ZNF804B: variants seen among roughly 807,000 people sequenced by gnomAD.
ZNF804B encodes the protein zinc finger protein 804B, also known as zinc finger 804B.
ZNF804B carries 80 observed loss-of-function variants against 101.4 expected under a neutral mutation model. That is an observed-to-expected ratio of 0.79 (90% CI 0.66 to 0.95). ZNF804B has a LOEUF of 0.95. Among genes scored for constraint, ZNF804B ranks in the 40% least tolerant of loss-of-function variants. The pLI is 0.00. For synonymous variants in ZNF804B, 622 were observed against 558.8 expected, an observed-to-expected ratio of 1.11 and a Z score of -1.59; for missense variants, 1,673 against 1,561.9, an observed-to-expected ratio of 1.07 and a Z score of -1.20.
At chr7:88,930,616 T>C (rs1792868486) in intron 1 of ZNF804B, among the ~76,000 whole-genome samples, 1 of 151,922 alleles carries the variant, frequency 6.6e-6, no homozygotes, top group Non-Finnish European at 1.5e-5. Flanking sequence ...TTATTGGATG[T>C]GTATGCATGA....
At chr7:88,779,500 G>T (rs1381300488) in intron 1 of ZNF804B, among the ~76,000 whole-genome samples, 2 of 152,144 alleles carry the variant, frequency 1.3e-5, no homozygotes, top group Non-Finnish European at 2.9e-5. Flanking sequence ...TTCACAATCA[G>T]AGTAACATGC....
chr7:89,170,911 C>T (rs1052549349), intron 1 of ZNF804B, among the ~76,000 whole-genome samples: 8 of 152,166 alleles, frequency 5.3e-5, no homozygotes, highest in Non-Finnish European at 8.8e-5. Context: ...AGAAACCCAA[C>T]CATTTTTTTA....
At chr7:88,812,706 T>C (rs1583952228) in intron 1 of ZNF804B, among the ~76,000 whole-genome samples, 1 of 152,164 alleles carries the variant, frequency 6.6e-6, no homozygotes, top group East Asian at 1.9e-4. Flanking sequence ...ATATACACAA[T>C]ATTATTCAGC....
chr7:89,267,598 C>T (rs886437729), intron 2 of ZNF804B, among the ~76,000 whole-genome samples: 1 of 152,114 alleles, frequency 6.6e-6, no homozygotes, highest in African/African-American at 2.4e-5. Context: ...CCTTATCCTA[C>T]AAGCCAGGCA....
At chr7:88,777,231 G>A (rs1562790746) in intron 1 of ZNF804B, among the ~76,000 whole-genome samples, 1 of 152,180 alleles carries the variant, frequency 6.6e-6, no homozygotes, top group Non-Finnish European at 1.5e-5. Flanking sequence ...ATTGCAGAGA[G>A]GCAACCACTG....
chr7:88,922,654 A>G (rs1041589631), intron 1 of ZNF804B, among the ~76,000 whole-genome samples: 1 of 151,966 alleles, frequency 6.6e-6, no homozygotes, highest in African/African-American at 2.4e-5. Context: ...AATTAGCCTC[A>G]CAGAAAAATT....
intron 1 of ZNF804B, 141 bp downstream of exon 1, chr7:88,760,225 C>T: frequency 3.0e-6 from 2 of 659,624 alleles, no homozygotes; most frequent in Non-Finnish European, 5.3e-6. Flanking sequence ...TATGGAGATA[C>T]ATCGTGTCCG....
rs540296397 is a variant in ZNF804B at position 89,085,348 on chromosome 7, C to T, written c.109-132807C>T. Among the ~76,000 whole-genome samples, 23 of 151,976 alleles carry T rather than the reference C, an allele frequency of 1.5e-4. No individual in the cohort carries two copies. The South Asian group carries it at 4.6e-3, about 30-fold the overall frequency. ...ATCTAATTTGTTGTTTCTCTTGGATCCCTGGTTAAAGTTTCTGAATAGTTT... is the reference window on the plus strand; with the variant it reads ...ATCTAATTTGTTGTTTCTCTTGGATTCCTGGTTAAAGTTTCTGAATAGTTT... On this transcript the variant is annotated intron_variant, in intron 1 of 3. Transcript: ENST00000333190.
intron 1 of ZNF804B, among the ~76,000 whole-genome samples, chr7:89,041,871 CATAG>C (rs912945815): frequency 1.3e-5 from 2 of 152,070 alleles, no homozygotes; most frequent in African/African-American, 4.8e-5. Flanking sequence ...TATTTTTATC[CATAG>C]ATAGTTGTTC....
At chr7:88,877,678 G>A (rs1791973765) in intron 1 of ZNF804B, among the ~76,000 whole-genome samples, 1 of 152,114 alleles carries the variant, frequency 6.6e-6, no homozygotes, top group Admixed American at 6.6e-5. Context: ...CTCATAGAGT[G>A]AGTAGAAGAT....
At chr7:89,174,544 G>T (rs758126609) in intron 1 of ZNF804B, among the ~76,000 whole-genome samples, 1 of 151,956 alleles carries the variant, frequency 6.6e-6, no homozygotes, top group African/African-American at 2.4e-5. Context: ...TGTGAATAGT[G>T]CTGCAATAAA....
intron 1 of ZNF804B, among the ~76,000 whole-genome samples, chr7:89,051,755 C>T (rs1789208902): frequency 6.6e-6 from 1 of 151,856 alleles, no homozygotes; most frequent in Admixed American, 6.6e-5. Flanking sequence ...TAACAATTTG[C>T]AGTATAGTGT....
intron 1 of ZNF804B, among the ~76,000 whole-genome samples, chr7:89,156,985 C>T (rs1269799517): frequency 6.6e-6 from 1 of 152,176 alleles, no homozygotes; most frequent in Non-Finnish European, 1.5e-5. Context: ...TCGCTTATCT[C>T]TTCCTTTCCA....
At chr7:89,065,941 G>T (rs759574365) in intron 1 of ZNF804B, among the ~76,000 whole-genome samples, 1 of 152,090 alleles carries the variant, frequency 6.6e-6, no homozygotes, top group East Asian at 1.9e-4. Context: ...GCAGTCTTCT[G>T]TTGTAGATAG....
chr7:88,992,715 A>G (rs1221173270), intron 1 of ZNF804B, among the ~76,000 whole-genome samples: 1 of 152,108 alleles, frequency 6.6e-6, no homozygotes, highest in East Asian at 1.9e-4. Flanking sequence ...ATAAAGTAAT[A>G]TAATCAAGGT....
chr7:89,024,597 C>CT lies in ZNF804B; in HGVS notation c.109-193538dup, dbSNP rs71120052. Among the ~76,000 whole-genome samples, 337 of 94,198 alleles carry CT rather than the reference C, an allele frequency of 3.6e-3. 4 individuals carry two copies. Among genetic ancestry groups the CT allele is most frequent in the African/African-American group, 0.012 (278 of 23,568 alleles). 61.8% of individuals were successfully genotyped at this position (94,198 alleles called of 152,430 possible). A position where few individuals can be genotyped will look rare whatever the true frequency, so the allele number is the denominator to read the frequency against. ...CTGACAGTTGCTAAGAAAGCTATTA[C>CT]TTTTTTTTTTTTTTTTTTTTACAAA... On this transcript the variant is annotated intron_variant, in intron 1 of 3. Transcript: ENST00000333190.
chr7:89,021,336 G>A (rs1451302773), intron 1 of ZNF804B, among the ~76,000 whole-genome samples: 1 of 152,160 alleles, frequency 6.6e-6, no homozygotes, highest in East Asian at 1.9e-4. Flanking sequence ...CAGGCCAAGG[G>A]TACAAACATG....
chr7:88,788,862 C>A (rs1398273873), intron 1 of ZNF804B, among the ~76,000 whole-genome samples: 1 of 152,024 alleles, frequency 6.6e-6, no homozygotes, highest in Non-Finnish European at 1.5e-5. Context: ...CTCTTCATAT[C>A]CTCTTTAAGG....
At position 88,944,093 on chromosome 7, in the gene ZNF804B, T is replaced by G. The variant is rs1793092917; in HGVS notation, c.108+184009T>G. 2.6e-5 allele frequency among the ~76,000 whole-genome samples: 4 copies of G among 151,938 alleles called. No individual in the cohort carries two copies. In the South Asian group the frequency reaches 8.3e-4, roughly 32 times the overall value. ...AATAAATTTGTGTGTAGAAATATATTTTCCTTTATGTTGAATAAAAATCCA... is the reference window on the plus strand; with the variant it reads ...AATAAATTTGTGTGTAGAAATATATGTTCCTTTATGTTGAATAAAAATCCA... On this transcript the variant is annotated intron_variant, in intron 1 of 3. Coordinates refer to ENST00000333190, the MANE Select transcript of ZNF804B (RefSeq NM_181646.5).
Sources: allele counts gnomAD v4.1 joint callset (sites outside exome capture counted in the v4.1 genomes callset), GRCh38; gene constraint gnomAD v4.1.1; transcripts MANE v1.5; gene names NCBI Gene and HGNC (gene_info 2026-07-23, HGNC 2026-07-21).